The following CNTNAP2 variants were observed in gnomAD, a reference collection of about 807,000 sequenced individuals.
CNTNAP2 encodes the protein contactin associated protein 2.
Under a neutral mutation model 155.2 loss-of-function variants are expected in CNTNAP2, and 98 were observed. The ratio of observed to expected loss-of-function variants is 0.63; its 90% CI spans 0.54 to 0.75. CNTNAP2 has a LOEUF of 0.75. Ranked by LOEUF, CNTNAP2 falls within the 30% of genes least tolerant of loss-of-function variation. The pLI, the probability that CNTNAP2 is intolerant of heterozygous loss-of-function variation, is 0.00. For missense variants in CNTNAP2, 1,727 were observed against 1,688.1 expected (o/e 1.02, Z -0.40); for synonymous variants, 651 against 631.2 (o/e 1.03, Z -0.47).
intron 14 of CNTNAP2, among the ~76,000 whole-genome samples, chr7:147,960,815 C>T (rs1801105931): frequency 7.2e-6 from 1 of 138,244 alleles, no homozygotes; most frequent in Non-Finnish European, 1.7e-5. Context: ...TCCTTTCCTC[C>T]CTCTCTCCCT....
At chr7:146,745,520 G>A (rs900205501) in intron 1 of CNTNAP2, among the ~76,000 whole-genome samples, 1 of 152,036 alleles carries the variant, frequency 6.6e-6, no homozygotes, top group African/African-American at 2.4e-5. Context: ...GGTAATCCCA[G>A]CACTTTGGGA....
chr7:147,842,242 G>C lies in CNTNAP2; in HGVS notation c.2099-61323G>C, dbSNP rs1279956510. ...CATAGGTAGTAAGTAACAACTGTGT[G>C]ATCAGAGGAGAGCATTATCTCCAAA... On this transcript the variant is annotated intron_variant, in intron 13 of 23. Transcript: ENST00000361727. Among the ~76,000 whole-genome samples the C allele has an allele frequency of 2.0e-5, 3 of 152,210 alleles. No individual in the cohort carries two copies. In the South Asian group the frequency reaches 6.2e-4, roughly 31 times the overall value.
intron 1 of CNTNAP2, among the ~76,000 whole-genome samples, chr7:146,665,500 G>A (rs1213466686): frequency 4.0e-5 from 6 of 151,188 alleles, no homozygotes; most frequent in African/African-American, 1.5e-4. Flanking sequence ...GATACATTTC[G>A]GCTGGGTGCA....
At chr7:147,459,955 A>G (rs929266706) in intron 10 of CNTNAP2, among the ~76,000 whole-genome samples, 1 of 152,122 alleles carries the variant, frequency 6.6e-6, no homozygotes, top group Non-Finnish European at 1.5e-5. Flanking sequence ...GAACACATGG[A>G]CACAGGGAGG....
chr7:146,946,603 T>A (rs376051522), intron 3 of CNTNAP2, among the ~76,000 whole-genome samples: 91 of 152,236 alleles, frequency 6.0e-4, no homozygotes, highest in African/African-American at 2.1e-3. Context: ...AGGTAAAAGG[T>A]TGGTGCAAAA....
chr7:146,492,337 T>G (rs1018179175), intron 1 of CNTNAP2, among the ~76,000 whole-genome samples: 2 of 152,086 alleles, frequency 1.3e-5, no homozygotes, highest in East Asian at 1.9e-4. Flanking sequence ...AACATTCACT[T>G]GGCAAATACT....
intron 21 of CNTNAP2, among the ~76,000 whole-genome samples, chr7:148,334,323 C>T (rs1223129664): frequency 1.3e-5 from 2 of 152,090 alleles, no homozygotes; most frequent in African/African-American, 2.4e-5. Flanking sequence ...AGTTCACTCT[C>T]GGGGCTGAAG....
chr7:146,386,563 G>A (rs1158707700), intron 1 of CNTNAP2, among the ~76,000 whole-genome samples: 1 of 151,806 alleles, frequency 6.6e-6, no homozygotes, highest in Non-Finnish European at 1.5e-5. Flanking sequence ...TAATTTTGGT[G>A]TTTCAGTAGA....
At chr7:147,231,014 G>A (rs980001875) in intron 8 of CNTNAP2, among the ~76,000 whole-genome samples, 1 of 152,146 alleles carries the variant, frequency 6.6e-6, no homozygotes, top group African/African-American at 2.4e-5. Context: ...GAAGGCAGAA[G>A]ACAAAAAGGA....
chr7:147,113,325 G>T (rs117103847), intron 5 of CNTNAP2, among the ~76,000 whole-genome samples: 4 of 151,628 alleles, frequency 2.6e-5, no homozygotes, highest in Admixed American at 6.6e-5. Context: ...TATTTGAATC[G>T]TCTCTCTTTT....
intron 15 of CNTNAP2, among the ~76,000 whole-genome samples, chr7:148,108,363 T>TA (rs1804268687): frequency 8.2e-6 from 1 of 121,348 alleles, no homozygotes; most frequent in Non-Finnish European, 1.6e-5. Context: ...TACCAAAAAA[T>TA]TAAAAAAAAA....
At chr7:147,125,892 G>C (rs982058986) in intron 6 of CNTNAP2, among the ~76,000 whole-genome samples, 1 of 152,180 alleles carries the variant, frequency 6.6e-6, no homozygotes, top group African/African-American at 2.4e-5. Flanking sequence ...TGTAAAAGAA[G>C]ACTGGAGGCA....
At chr7:146,798,639 C>T (rs1585095587) in intron 2 of CNTNAP2, among the ~76,000 whole-genome samples, 1 of 152,280 alleles carries the variant, frequency 6.6e-6, no homozygotes, top group East Asian at 1.9e-4. Context: ...GCCACTGTGC[C>T]TGGCCCATAA....
At chr7:147,927,770 C>T (rs1384749151) in intron 14 of CNTNAP2, among the ~76,000 whole-genome samples, 1 of 152,118 alleles carries the variant, frequency 6.6e-6, no homozygotes, top group African/African-American at 2.4e-5. Flanking sequence ...TTTTCTCAGA[C>T]AAGTTAGAAA....
chr7:147,086,494 T>C (rs1259809470), intron 4 of CNTNAP2, among the ~76,000 whole-genome samples: 1 of 152,150 alleles, frequency 6.6e-6, no homozygotes, highest in East Asian at 1.9e-4. Flanking sequence ...TGGAGTGCAA[T>C]GGCATGATCA....
At chr7:146,812,338 G>T (rs1172130154) in intron 2 of CNTNAP2, among the ~76,000 whole-genome samples, 1 of 151,692 alleles carries the variant, frequency 6.6e-6, no homozygotes, top group African/African-American at 2.4e-5. Flanking sequence ...AAAGAGACTG[G>T]ACGCATTTTG....
At chr7:146,481,927 G>A (rs1451433290) in intron 1 of CNTNAP2, among the ~76,000 whole-genome samples, 2 of 152,130 alleles carry the variant, frequency 1.3e-5, no homozygotes, top group African/African-American at 4.8e-5. Context: ...GTTTAATAGT[G>A]CCCTCAGAAG....
At chr7:147,986,120 A>G (rs1424581421) in intron 15 of CNTNAP2, among the ~76,000 whole-genome samples, 1 of 152,042 alleles carries the variant, frequency 6.6e-6, no homozygotes, top group African/African-American at 2.4e-5. Flanking sequence ...ATTCAGCCCC[A>G]CCCAGAAAAG....
intron 1 of CNTNAP2, among the ~76,000 whole-genome samples, chr7:146,214,758 G>C (rs889756139): frequency 6.6e-6 from 1 of 151,948 alleles, no homozygotes; most frequent in Non-Finnish European, 1.5e-5. Context: ...TAAGAAACAG[G>C]CTATATTGCA....
Sources: allele counts gnomAD v4.1 joint callset (sites outside exome capture counted in the v4.1 genomes callset), GRCh38; gene constraint gnomAD v4.1.1; transcripts MANE v1.5; gene names NCBI Gene and HGNC (gene_info 2026-07-23, HGNC 2026-07-21).